Variants in SDR42E1 observed in about 807,000 individuals in gnomAD.
SDR42E1 encodes short chain dehydrogenase/reductase family 42E, member 1.
SDR42E1 carries 5 observed loss-of-function variants against 2.6 expected under a neutral mutation model. The observed-to-expected ratio is 1.94, with a 90% CI of 1.01 to 4.08. The LOEUF (loss-of-function observed/expected upper bound fraction) is 4.08. Among genes scored for constraint, SDR42E1 ranks in the 30% most tolerant of loss-of-function variants. The pLI is 0.00. For missense variants in SDR42E1, 596 were observed against 478.6 expected (o/e 1.25, Z -2.29); for synonymous variants, 231 against 188.3 (o/e 1.23, Z -1.86).
Position 81,996,582 on chromosome 16 carries a change from T to C in SDR42E1, c.*2529A>G, listed in dbSNP as rs1232616532. On this transcript the variant is annotated 3_prime_UTR_variant, in exon 3 of 3. Transcript: ENST00000328945. The stretch of plus-strand genomic sequence containing the variant: ...GTGGAGTTGCAGAAGTACTTAGATA[T>C]GAGTCTGGAGCCCAGGAGTGGTCTG... The C allele has an allele frequency of 6.6e-6, 1 of 151,910 alleles. No individual in the cohort carries two copies. The highest frequency in any genetic ancestry group is 1.5e-5 in the Non-Finnish European group (1 of 67,990). 9.4% of individuals were successfully genotyped at this position (151,910 alleles called of 1,614,324 possible). A position where few individuals can be genotyped will look rare whatever the true frequency, so the allele number is the denominator to read the frequency against.
intron 1 of SDR42E1, among the ~76,000 whole-genome samples, chr16:82,004,476 G>C (rs1912870346): frequency 6.6e-6 from 1 of 152,216 alleles, no homozygotes; most frequent in African/African-American, 2.4e-5. Context: ...ACAGGCTTCT[G>C]TCCCCTTCCA....
intron 1 of SDR42E1, chr16:82,007,828 T>G (rs906245679): frequency 6.6e-6 from 1 of 152,248 alleles, no homozygotes; most frequent in Admixed American, 6.5e-5. Context: ...CAATTCCCTG[T>G]GTTACCCTAG....
chr16:82,007,354 C>G (rs1912973992), intron 1 of SDR42E1, among the ~76,000 whole-genome samples: 5 of 152,148 alleles, frequency 3.3e-5, no homozygotes. Context: ...GAAGTAATAT[C>G]AACTGCCACT....
chr16:81,992,905 A>G lies in SDR42E1; in HGVS notation c.*6206T>C, dbSNP rs1002940923. On this transcript the variant is annotated 3_prime_UTR_variant, in exon 3 of 3. Coordinates refer to ENST00000328945, the MANE Select transcript of SDR42E1 (RefSeq NM_145168.3). ...TGGTATGAATTTGCACAACTTAGAGATACCAGGGACTGGTTGACTCTATTT... is the reference window on the plus strand; with the variant it reads ...TGGTATGAATTTGCACAACTTAGAGGTACCAGGGACTGGTTGACTCTATTT... The G allele has an allele frequency of 6.6e-6, 1 of 152,158 alleles. No individual in the cohort carries two copies. Among genetic ancestry groups the G allele is most frequent in the Admixed American group, 6.5e-5 (1 of 15,274 alleles). The allele number at this position is 152,158 out of a possible 1,614,324, so 9.4% of individuals were successfully genotyped here.
rs372100610 is a variant in SDR42E1, at chr16:81,999,326, G to A, written c.967C>T (p.His323Tyr). The change falls in exon 3 of 3, where the codon CAT (histidine) becomes TAT (tyrosine). Residue 323 changes from histidine (H) to tyrosine (Y), a missense_variant. Transcript: ENST00000328945. ...TTGGCTTTCTCTAAGCTAAAATAAT[G>A]TGTGACACCAGTTTTGTAAACTTCA... ...RTEVYKTGVT[H>Y]YFSLEKAKKE... The A allele has an allele frequency of 6.2e-7, 1 of 1,614,216 alleles. No individual in the cohort carries two copies. Among genetic ancestry groups the A allele is most frequent in the Non-Finnish European group, 8.5e-7 (1 of 1,180,040 alleles).
At chr16:82,004,728 G>A (rs1305614488) in intron 1 of SDR42E1, among the ~76,000 whole-genome samples, 5 of 152,320 alleles carry the variant, frequency 3.3e-5, no homozygotes, top group Admixed American at 2.0e-4. Flanking sequence ...AACCGTTGGG[G>A]CCACCTTGGT....
chr16:81,992,813 TTATGAACG>T lies in SDR42E1; in HGVS notation c.*6290_*6297del, dbSNP rs1912457512. On this transcript the variant is annotated 3_prime_UTR_variant, in exon 3 of 3. Coordinates refer to ENST00000328945, the MANE Select transcript of SDR42E1 (RefSeq NM_145168.3). ...ACTTGAGTTCAATGAACTCAAGTAA[TTATGAACG>T]CAACTTGAGTTCAATGAGTTCCTGG... 1.3e-5 allele frequency: 2 copies of T among 152,178 alleles called. No homozygotes were observed. The highest frequency in any genetic ancestry group is 4.2e-4 in the South Asian group (2 of 4,774). The allele number at this position is 152,178 out of a possible 1,614,324, so 9.4% of individuals were successfully genotyped here. A position where few individuals can be genotyped will look rare whatever the true frequency, so the allele number is the denominator to read the frequency against.
rs1912585461 is a variant in SDR42E1 at position 81,997,910 on chromosome 16, G to C, written c.*1201C>G. 1 of 152,184 alleles carries C rather than the reference G, an allele frequency of 6.6e-6. No individual in the cohort carries two copies. Among genetic ancestry groups the C allele is most frequent in the African/African-American group, 2.4e-5 (1 of 41,440 alleles). The allele number at this position is 152,184 out of a possible 1,614,324, so 9.4% of individuals were successfully genotyped here. On this transcript the variant is annotated 3_prime_UTR_variant, in exon 3 of 3. Coordinates refer to ENST00000328945, the MANE Select transcript of SDR42E1 (RefSeq NM_145168.3). ...TTCCACAGGGATTGCTCATCTATTT[G>C]TATTTTACAGATACTCTCAAGACTA...
chr16:82,004,204 G>C (rs986465839), intron 1 of SDR42E1, among the ~76,000 whole-genome samples: 3 of 152,208 alleles, frequency 2.0e-5, no homozygotes, highest in African/African-American at 7.2e-5. Context: ...ACCAAGGTGA[G>C]GGGTGGGGAG....
Position 81,994,320 on chromosome 16 carries a change from C to G in SDR42E1, c.*4791G>C, listed in dbSNP as rs987438535. On this transcript the variant is annotated 3_prime_UTR_variant, in exon 3 of 3. Transcript: ENST00000328945. ...GTCCTCTCCTTCAGGTAGGAGGACC[C>G]TGAAGAGGAGCTGCACCAAGCGCCT... is the stretch of plus-strand genomic sequence containing the variant. 6.6e-6 allele frequency: 1 copy of G among 152,228 alleles called. No homozygotes were observed. Among genetic ancestry groups the G allele is most frequent in the African/African-American group, 2.4e-5 (1 of 41,446 alleles). The allele number at this position is 152,228 out of a possible 1,614,324, so 9.4% of individuals were successfully genotyped here. A position where few individuals can be genotyped will look rare whatever the true frequency, so the allele number is the denominator to read the frequency against.
chr16:82,010,018 C>T (rs1913074665), intron 1 of SDR42E1, among the ~76,000 whole-genome samples: 1 of 152,208 alleles, frequency 6.6e-6, no homozygotes, highest in African/African-American at 2.4e-5. Context: ...AGCTCTCTTG[C>T]CTGCCACCAT....
At chr16:82,000,248 T>G (rs746227043) in intron 2 of SDR42E1, 24 bp from the exon 3 acceptor site, 2 of 1,600,558 alleles carry the variant, frequency 1.2e-6, no homozygotes, top group Non-Finnish European at 1.7e-6. Context: ...CAGTAAACGT[T>G]GAATCAAGTC....
At chr16:82,008,056 C>T (rs1298359208) in intron 1 of SDR42E1, among the ~76,000 whole-genome samples, 4 of 152,118 alleles carry the variant, frequency 2.6e-5, no homozygotes, top group South Asian at 2.1e-4. Context: ...GTGCTATTCT[C>T]ATGATAGTAA....
intron 2 of SDR42E1, 71 bp from the exon 3 acceptor site, chr16:82,000,295 A>G: frequency 6.3e-7 from 1 of 1,578,634 alleles, no homozygotes; most frequent in Non-Finnish European, 8.6e-7. Context: ...GTATAAAGTA[A>G]TTTACCAATC....
chr16:81,995,070 C>T lies in SDR42E1; in HGVS notation c.*4041G>A, dbSNP rs1484440004. On this transcript the variant is annotated 3_prime_UTR_variant, in exon 3 of 3. Transcript: ENST00000328945. ...AGTATTTCCAACAGGCTTTCCAGAC[C>T]GCTCTTCCCTTTTTGCAGGTGGGAG... 1 of 152,158 alleles carries T rather than the reference C, an allele frequency of 6.6e-6. No homozygotes were observed. Among genetic ancestry groups the T allele is most frequent in the Non-Finnish European group, 1.5e-5 (1 of 68,046 alleles). 9.4% of individuals were successfully genotyped at this position (152,158 alleles called of 1,614,324 possible).
At position 81,993,134 on chromosome 16, in the gene SDR42E1, C is replaced by T. The variant is rs759508487; in HGVS notation, c.*5977G>A. On this transcript the variant is annotated 3_prime_UTR_variant, in exon 3 of 3. Coordinates refer to ENST00000328945, the MANE Select transcript of SDR42E1 (RefSeq NM_145168.3). ...GCATAAAGGAGCAGGTGGGGGGTCA[C>T]TCGAATCCAAGGCCCTTTGGCGAGT... The T allele has an allele frequency of 4.6e-5, 7 of 152,368 alleles. No homozygotes were observed. The highest frequency in any genetic ancestry group is 1.0e-4 in the Non-Finnish European group (7 of 68,096). The allele number at this position is 152,368 out of a possible 1,614,324, so 9.4% of individuals were successfully genotyped here.
At position 82,006,574 on chromosome 16, in the gene SDR42E1, C is replaced by A. The variant is rs1912942957; in HGVS notation, c.-27+4813G>T. On this transcript the variant is annotated intron_variant, in intron 1 of 2. Coordinates refer to ENST00000328945, the MANE Select transcript of SDR42E1 (RefSeq NM_145168.3). ...TTGGAAGGCTGAGGTGGGTGGATCA[C>A]TTGAGGTCAGGAGTTTGAGACCAGC... Among the ~76,000 whole-genome samples the A allele has an allele frequency of 2.6e-5, 4 of 152,188 alleles. No individual in the cohort carries two copies. In the South Asian group the frequency reaches 8.3e-4, roughly 32 times the overall value.
intron 1 of SDR42E1, 22 bp from the exon 2 acceptor site, chr16:82,000,906 A>G: frequency 6.7e-7 from 1 of 1,487,528 alleles, no homozygotes; most frequent in Non-Finnish European, 9.3e-7. Context: ...AGTATGCATC[A>G]CTGTTACTGA....
chr16:82,011,219 G>A (rs1913114268), intron 1 of SDR42E1, among the ~76,000 whole-genome samples, 168 bp downstream of exon 1: 1 of 152,174 alleles, frequency 6.6e-6, no homozygotes, highest in Admixed American at 6.5e-5. Context: ...CCGGTCCCCT[G>A]GGATCAGGAA....
Sources: allele counts gnomAD v4.1 joint callset (sites outside exome capture counted in the v4.1 genomes callset), GRCh38; gene constraint gnomAD v4.1.1; transcripts MANE v1.5; gene names NCBI Gene and HGNC (gene_info 2026-07-23, HGNC 2026-07-21).